The following PPT2 variants were observed in gnomAD, a reference collection of about 807,000 sequenced individuals.
The protein encoded by PPT2 is lysosomal thioesterase PPT2.
In PPT2, 20 loss-of-function variants were observed where a neutral mutation model predicts 37.3. The observed-to-expected ratio is 0.54, with a 90% CI of 0.38 to 0.78. The LOEUF is 0.78. Among genes scored for constraint, PPT2 ranks in the 30% least tolerant of loss-of-function variants. PPT2 has a pLI of 0.00. For synonymous variants in PPT2, 135 were observed against 159.1 expected, an observed-to-expected ratio of 0.85 and a Z score of 1.14; for missense variants, 270 against 389.8, an observed-to-expected ratio of 0.69 and a Z score of 2.59.
At chr6:32,161,375 C>T (rs1447801629) in intron 7 of PPT2, among the ~76,000 whole-genome samples, 2 of 151,486 alleles carry the variant, frequency 1.3e-5, no homozygotes, top group African/African-American at 2.4e-5. Flanking sequence ...CTGCAACCTC[C>T]GCCTGCCAGG....
chr6:32,162,520 A>C lies in PPT2; in HGVS notation c.711-48A>C. ...CAGGCGTGTGCCACTGCGCCCGGCCAGATTTTCTCCAGCTCTTCTGATAAC... is the reference window on the plus strand; with the variant it reads ...CAGGCGTGTGCCACTGCGCCCGGCCCGATTTTCTCCAGCTCTTCTGATAAC... On this transcript the variant is annotated intron_variant, in intron 7 of 8. Coordinates refer to ENST00000324816, the MANE Select transcript of PPT2 (RefSeq NM_005155.7). This position sits in a 1 kb window ranked among gnomAD's most constrained non-coding sequence, Gnocchi z 5.5. 1 of 1,553,024 alleles carries C rather than the reference A, an allele frequency of 6.4e-7. No homozygotes were observed. Among genetic ancestry groups the C allele is most frequent in the Non-Finnish European group, 8.9e-7 (1 of 1,124,800 alleles).
Position 32,155,317 on chromosome 6 carries a change from C to A in PPT2, c.337+134C>A. 9.4e-7 allele frequency: 1 copy of A among 1,062,280 alleles called. No individual in the cohort carries two copies. The highest frequency in any genetic ancestry group is 1.4e-6 in the Non-Finnish European group (1 of 735,922). The allele number at this position is 1,062,280 out of a possible 1,614,324, so 65.8% of individuals were successfully genotyped here. A position where few individuals can be genotyped will look rare whatever the true frequency, so the allele number is the denominator to read the frequency against. On this transcript the variant is annotated intron_variant, in intron 3 of 8. Transcript: ENST00000324816. This position sits in a 1 kb window ranked among gnomAD's most constrained non-coding sequence, Gnocchi z 4.3. ...ACCCTGGTACCTGAGCCCTTCCTTT[C>A]TGACTTCCCTCAGCACCTGGGTCTC...
At position 32,154,503 on chromosome 6, in the gene PPT2, G is replaced by T; in HGVS notation, c.-8-84G>T. On this transcript the variant is annotated intron_variant, in intron 1 of 8. Transcript: ENST00000324816. The surrounding 1 kb of genome is among the most constrained non-coding windows in gnomAD (Gnocchi z 7.3). ...CACGGACCTGGTGTGGGAGCGAGAG[G>T]AGGTGGCTTGATTGCCGGGCGTCTG... The T allele has an allele frequency of 6.5e-7, 1 of 1,529,076 alleles. No homozygotes were observed. The highest frequency in any genetic ancestry group is 8.8e-7 in the Non-Finnish European group (1 of 1,135,820). 94.7% of individuals were successfully genotyped at this position (1,529,076 alleles called of 1,614,324 possible).
At position 32,155,168 on chromosome 6, in the gene PPT2, A is replaced by G; in HGVS notation, c.322A>G (p.Ile108Val). The G allele has an allele frequency of 1.2e-6, 2 of 1,612,352 alleles. No individual in the cohort carries two copies. Among genetic ancestry groups the G allele is most frequent in the South Asian group, 2.2e-5 (2 of 91,062 alleles). The stretch of plus-strand genomic sequence containing the variant: ...AAAGGCCCCTCAAGGGGTGCATCTC[A>G]TCTGCTACTCGCAGGGTAGGCGACT... ...MAKAPQGVHL[I>V]CYSQGGLVCR... The change falls in exon 3 of 9, where the codon ATC (isoleucine) becomes GTC (valine). Residue 108 changes from isoleucine to valine, a missense_variant. Ile to Val is a conservative substitution (Grantham distance 29, BLOSUM62 3). Coordinates refer to ENST00000324816, the MANE Select transcript of PPT2 (RefSeq NM_005155.7). The surrounding 1 kb of genome is among the most constrained non-coding windows in gnomAD (Gnocchi z 4.3).
At chr6:32,160,003 A>T (rs539040659) in intron 7 of PPT2, among the ~76,000 whole-genome samples, 1 of 151,144 alleles carries the variant, frequency 6.6e-6, no homozygotes, top group Non-Finnish European at 1.5e-5. Context: ...TACAGGCGTG[A>T]GCCACTGCGC....
chr6:32,161,495 G>T (rs1255033113), intron 7 of PPT2, among the ~76,000 whole-genome samples: 1 of 151,272 alleles, frequency 6.6e-6, no homozygotes, highest in East Asian at 1.9e-4. Context: ...CTCCATGTTG[G>T]CCAGGCTGGT....
rs1325977193 is a variant in PPT2 at position 32,162,469 on chromosome 6, C to G, written c.711-99C>G. ...TCCTGGCCTCAGGTGATTTGCCCTC[C>G]TTGGCCTCCCAAAGTGCTGCAATTA... On this transcript the variant is annotated intron_variant, in intron 7 of 8. Transcript: ENST00000324816. The surrounding 1 kb of genome is among the most constrained non-coding windows in gnomAD (Gnocchi z 5.5). 3.2e-6 allele frequency: 4 copies of G among 1,251,250 alleles called. No homozygotes were observed. The highest frequency in any genetic ancestry group is 4.7e-6 in the Non-Finnish European group (4 of 856,618). 77.5% of individuals were successfully genotyped at this position (1,251,250 alleles called of 1,614,324 possible). A position where few individuals can be genotyped will look rare whatever the true frequency, so the allele number is the denominator to read the frequency against.
At position 32,154,917 on chromosome 6, in the gene PPT2, G is replaced by A. The variant is rs959815258; in HGVS notation, c.184-113G>A. The A allele has an allele frequency of 1.9e-5, 29 of 1,542,628 alleles. No individual in the cohort carries two copies. The highest frequency in any genetic ancestry group is 7.0e-5 in the Admixed American group (4 of 57,366). On this transcript the variant is annotated intron_variant, in intron 2 of 8. Transcript: ENST00000324816. This position sits in a 1 kb window ranked among gnomAD's most constrained non-coding sequence, Gnocchi z 7.3. Reference sequence around the variant, plus strand: ...GTGCTGGCGTGGGGGAGAGTTGGGGGACGGGATCCCTGGTTCTAGCAGGGT... The same window carrying A: ...GTGCTGGCGTGGGGGAGAGTTGGGGAACGGGATCCCTGGTTCTAGCAGGGT...
chr6:32,163,621 T>C lies in PPT2; in HGVS notation c.*671T>C, dbSNP rs1477712123. On this transcript the variant is annotated 3_prime_UTR_variant, in exon 9 of 9. Coordinates refer to ENST00000324816, the MANE Select transcript of PPT2 (RefSeq NM_005155.7). ...TTGAGGCCCCAGGCCCTCTTTTAAC[T>C]ACCTTTGAATAGGTGTTATCCCTGT... 6.5e-6 allele frequency: 1 copy of C among 152,774 alleles called. No homozygotes were observed. Among genetic ancestry groups the C allele is most frequent in the Non-Finnish European group, 1.5e-5 (1 of 68,116 alleles). 9.5% of individuals were successfully genotyped at this position (152,774 alleles called of 1,614,324 possible).
intron 7 of PPT2, among the ~76,000 whole-genome samples, chr6:32,161,588 C>T (rs1561823579): frequency 8.6e-5 from 11 of 128,074 alleles, no homozygotes; most frequent in South Asian, 4.9e-4. Context: ...CACACCTGGC[C>T]TCTTTTTTTT....
In PPT2 at chr6:32,157,839, G is replaced by A; in HGVS notation, c.626-1G>A. On this transcript the variant is annotated splice_acceptor_variant, in intron 6 of 8. Transcript: ENST00000324816. LOFTEE classifies it high-confidence loss of function. The stretch of plus-strand genomic sequence containing the variant: ...CAGCCTCTCTTCTTCCCATCCTACA[G>A]TATGGCGGAAGAACTTTCTGCGTGT... 6.2e-7 allele frequency: 1 copy of A among 1,612,160 alleles called. No individual in the cohort carries two copies. Among genetic ancestry groups the A allele is most frequent in the Non-Finnish European group, 8.5e-7 (1 of 1,179,212 alleles).
chr6:32,155,647 C>A lies in PPT2; in HGVS notation c.338-41C>A, dbSNP rs1179042052. 1.3e-6 allele frequency: 2 copies of A among 1,534,470 alleles called. No individual in the cohort carries two copies. The highest frequency in any genetic ancestry group is 1.8e-6 in the Non-Finnish European group (2 of 1,110,920). The stretch of plus-strand genomic sequence containing the variant: ...GGGGTGGGGGGTGCTGCTGGCTTTG[C>A]TGTCCTTAAGTGCCTGCCCAATGTG... On this transcript the variant is annotated intron_variant, in intron 3 of 8. Coordinates refer to ENST00000324816, the MANE Select transcript of PPT2 (RefSeq NM_005155.7). The surrounding 1 kb of genome is among the most constrained non-coding windows in gnomAD (Gnocchi z 4.3).
chr6:32,161,742 G>C (rs1228643541), intron 7 of PPT2, among the ~76,000 whole-genome samples: 7 of 150,068 alleles, frequency 4.7e-5, no homozygotes, highest in Non-Finnish European at 8.9e-5. Flanking sequence ...CGCCCACCAC[G>C]CCCAGCTAAT....
At position 32,155,909 on chromosome 6, in the gene PPT2, C is replaced by A. The variant is rs766967673; in HGVS notation, c.472C>A (p.Arg158=). ...GAAGTGGCTGTTCCCCACCTCCATG[C>A]GGTCTAACCTCTATCGGATCTGCTA... ...YLKWLFPTSM[R]SNLYRICYSP... is the part of the protein sequence containing the mutation. Residue 158 remains arginine, a synonymous_variant, in exon 5 of 9, where the codon CGG becomes AGG. Transcript: ENST00000324816. This position sits in a 1 kb window ranked among gnomAD's most constrained non-coding sequence, Gnocchi z 4.3. 9 of 1,614,030 alleles carry A rather than the reference C, an allele frequency of 5.6e-6. No homozygotes were observed. In the South Asian group the frequency reaches 6.6e-5, roughly 12 times the overall value.
In PPT2 at chr6:32,155,702, C is replaced by T; in HGVS notation, c.352C>T (p.Arg118Trp). Residue 118 changes from arginine (R) to tryptophan (W), a missense_variant, in exon 4 of 9, where the codon CGG (arginine) becomes TGG (tryptophan). Physicochemically the swap from Arg to Trp is moderately radical, Grantham distance 101. Coordinates refer to ENST00000324816, the MANE Select transcript of PPT2 (RefSeq NM_005155.7). The surrounding 1 kb of genome is among the most constrained non-coding windows in gnomAD (Gnocchi z 4.3). Reference protein sequence around the residue: ...ICYSQGGLVCRALLSVMDDHN... With the variant: ...ICYSQGGLVCWALLSVMDDHN... ...TCTGCTTACAGGGGGCCTTGTGTGC[C>T]GGGCTCTGCTTTCTGTCATGGATGA... 3.1e-6 allele frequency: 5 copies of T among 1,613,776 alleles called. No homozygotes were observed. The highest frequency in any genetic ancestry group is 1.3e-5 in the African/African-American group (1 of 74,878).
Position 32,157,935 on chromosome 6 carries a change from A to G in PPT2, c.710+11A>G. ...TCCCTGGCAGTCCAGGTAATAAGGG[A>G]TTTTGTGGCCTGAAGATTGGCTAAA... is the stretch of plus-strand genomic sequence containing the variant. On this transcript the variant is annotated intron_variant, in intron 7 of 8. Transcript: ENST00000324816. The G allele has an allele frequency of 6.3e-7, 1 of 1,598,292 alleles. No homozygotes were observed. The highest frequency in any genetic ancestry group is 2.2e-5 in the East Asian group (1 of 44,776).
rs1783635556 is a variant in PPT2, at chr6:32,154,793, C to A, written c.183+16C>A. On this transcript the variant is annotated intron_variant, in intron 2 of 8. Transcript: ENST00000324816. The surrounding 1 kb of genome is among the most constrained non-coding windows in gnomAD (Gnocchi z 7.3). The stretch of plus-strand genomic sequence containing the variant: ...CATCAATGAGGTCTGGCAGGGGACA[C>A]CTGGGTGCAGGGCGTTAGAGGCGTC... 6.2e-7 allele frequency: 1 copy of A among 1,607,558 alleles called. No homozygotes were observed. The highest frequency in any genetic ancestry group is 1.7e-5 in the Admixed American group (1 of 59,776).
intron 7 of PPT2, chr6:32,158,406 C>T (rs1783934276): frequency 6.5e-6 from 1 of 154,740 alleles, no homozygotes. Context: ...TCCCCTCCAT[C>T]CTATTCCTTA....
At chr6:32,159,788 C>T (rs1784034096) in intron 7 of PPT2, among the ~76,000 whole-genome samples, 1 of 150,204 alleles carries the variant, frequency 6.7e-6, no homozygotes, top group Non-Finnish European at 1.5e-5. Context: ...ATAGCACAAT[C>T]TCGGCTCACT....
Sources: allele counts gnomAD v4.1 joint callset (sites outside exome capture counted in the v4.1 genomes callset), GRCh38; gene constraint gnomAD v4.1.1; non-coding constraint Gnocchi (gnomAD v3.1); transcripts MANE v1.5; gene names NCBI Gene and HGNC (gene_info 2026-07-23, HGNC 2026-07-21).